Variants in GRIP1 observed in about 807,000 individuals in gnomAD.
The protein encoded by GRIP1 is glutamate receptor interacting protein 1.
In GRIP1, 45 loss-of-function variants were observed where a neutral mutation model predicts 129.9. The ratio of observed to expected loss-of-function variants is 0.35; its 90% CI spans 0.27 to 0.44. The LOEUF is 0.44. Among genes scored for constraint, GRIP1 ranks in the 20% least tolerant of loss-of-function variants. The pLI, the probability that GRIP1 is intolerant of heterozygous loss-of-function variation, is 1.00. For missense variants in GRIP1, 1,196 were observed against 1,396.8 expected, an observed-to-expected ratio of 0.86 and a Z score of 2.29; for synonymous variants, 530 against 520.8, an observed-to-expected ratio of 1.02 and a Z score of -0.24.
At chr12:67,062,273 C>T (rs1169105226) in intron 1 of GRIP1, among the ~76,000 whole-genome samples, 1 of 152,200 alleles carries the variant, frequency 6.6e-6, no homozygotes, top group African/African-American at 2.4e-5. Flanking sequence ...CATCCAGCTC[C>T]ATTCCTCATC....
chr12:66,889,202 G>A (rs920141124), intron 1 of GRIP1, among the ~76,000 whole-genome samples: 2 of 152,226 alleles, frequency 1.3e-5, no homozygotes, highest in African/African-American at 4.8e-5. Context: ...GCTCACGCCT[G>A]TAATCCCAGC....
intron 1 of GRIP1, among the ~76,000 whole-genome samples, chr12:66,705,027 C>T (rs925647103): frequency 6.6e-6 from 1 of 152,044 alleles, no homozygotes; most frequent in East Asian, 1.9e-4. Flanking sequence ...TGCTCTATTA[C>T]AATATACCCA....
intron 19 of GRIP1, among the ~76,000 whole-genome samples, chr12:66,385,180 A>T (rs1040783512): frequency 3.3e-5 from 5 of 152,252 alleles, no homozygotes; most frequent in Non-Finnish European, 5.9e-5. Flanking sequence ...ATTTTAAATT[A>T]AAAATTGATA....
intron 1 of GRIP1, among the ~76,000 whole-genome samples, chr12:66,608,279 A>T (rs2064628853): frequency 6.6e-6 from 1 of 152,118 alleles, no homozygotes; most frequent in African/African-American, 2.4e-5. Flanking sequence ...TTTTACAGTG[A>T]GATAGTGATT....
chr12:66,632,360 A>G (rs1199618517), intron 1 of GRIP1, among the ~76,000 whole-genome samples: 2 of 152,206 alleles, frequency 1.3e-5, no homozygotes, highest in Non-Finnish European at 2.9e-5. Flanking sequence ...GAGCCCTTGG[A>G]GCTCTCAGCA....
chr12:66,615,461 G>C (rs964876794), intron 1 of GRIP1, among the ~76,000 whole-genome samples: 11 of 151,988 alleles, frequency 7.2e-5, no homozygotes, highest in African/African-American at 2.7e-4. Context: ...GCTCCTTATC[G>C]TATATTATAC....
chr12:66,565,068 T>C (rs918247860), intron 2 of GRIP1, among the ~76,000 whole-genome samples: 2 of 152,246 alleles, frequency 1.3e-5, no homozygotes, highest in African/African-American at 2.4e-5. Context: ...CCCCATTCTG[T>C]AGGTTGCTGG....
At chr12:66,798,291 C>T (rs990700874) in intron 1 of GRIP1, among the ~76,000 whole-genome samples, 3 of 152,086 alleles carry the variant, frequency 2.0e-5, no homozygotes, top group Non-Finnish European at 2.9e-5. Context: ...TTACTCACCT[C>T]CACATGCCAT....
intron 1 of GRIP1, among the ~76,000 whole-genome samples, chr12:66,719,235 A>G (rs868098075): frequency 6.6e-6 from 1 of 152,150 alleles, no homozygotes; most frequent in African/African-American, 2.4e-5. Flanking sequence ...GTACTATTCT[A>G]TTTTGCTCTA....
At chr12:66,654,451 A>C (rs1040222990) in intron 1 of GRIP1, among the ~76,000 whole-genome samples, 2 of 152,210 alleles carry the variant, frequency 1.3e-5, no homozygotes, top group Non-Finnish European at 2.9e-5. Context: ...CCATACGCAA[A>C]ATCATGGAAG....
intron 1 of GRIP1, among the ~76,000 whole-genome samples, chr12:66,694,074 C>T (rs2035070624): frequency 2.0e-5 from 3 of 152,294 alleles, no homozygotes; most frequent in Admixed American, 1.3e-4. Flanking sequence ...GCATCTCTTC[C>T]TCAAGACATT....
intron 1 of GRIP1, among the ~76,000 whole-genome samples, chr12:66,854,238 G>GC (rs2039964646): frequency 6.6e-6 from 1 of 151,954 alleles, no homozygotes. Flanking sequence ...GACAGGGAAG[G>GC]CCTCCCAGAG....
At chr12:67,034,714 C>T (rs1212382732) in intron 1 of GRIP1, among the ~76,000 whole-genome samples, 1 of 152,170 alleles carries the variant, frequency 6.6e-6, no homozygotes, top group Non-Finnish European at 1.5e-5. Context: ...TTTACACCAG[C>T]ATCACAACAA....
chr12:66,508,823 G>A (rs536478178), intron 7 of GRIP1, among the ~76,000 whole-genome samples: 16 of 152,294 alleles, frequency 1.1e-4, no homozygotes, highest in African/African-American at 3.1e-4. Context: ...ACTGACTGCC[G>A]TCTGTGGTTC....
chr12:66,662,628 T>C (rs1199904702), intron 1 of GRIP1, among the ~76,000 whole-genome samples: 1 of 152,160 alleles, frequency 6.6e-6, no homozygotes, highest in Non-Finnish European at 1.5e-5. Context: ...TCCTAGGATT[T>C]GGTAAGAACT....
intron 13 of GRIP1, among the ~76,000 whole-genome samples, chr12:66,442,333 T>C (rs2058492807): frequency 6.6e-6 from 1 of 152,022 alleles, no homozygotes; most frequent in African/African-American, 2.4e-5. Flanking sequence ...GGTCTTTACA[T>C]TGCCTACTCC....
chr12:66,743,056 G>A (rs747204254), intron 1 of GRIP1, among the ~76,000 whole-genome samples: 16 of 151,950 alleles, frequency 1.1e-4, no homozygotes, highest in South Asian at 4.2e-4. Context: ...ACAAGCAGCC[G>A]TCCAAAACCC....
chr12:66,353,231 T>C (rs940488893), intron 24 of GRIP1, among the ~76,000 whole-genome samples, 186 bp downstream of exon 24: 1 of 152,000 alleles, frequency 6.6e-6, no homozygotes, highest in African/African-American at 2.4e-5. Flanking sequence ...AACTTTGGGG[T>C]CTGGGTTAGA....
At chr12:66,663,763 A>C (rs1798374866) in intron 1 of GRIP1, among the ~76,000 whole-genome samples, 1 of 152,226 alleles carries the variant, frequency 6.6e-6, no homozygotes, top group Non-Finnish European at 1.5e-5. Context: ...CTTTGTAAAC[A>C]ATACCAGAGA....
Sources: allele counts gnomAD v4.1 joint callset (sites outside exome capture counted in the v4.1 genomes callset), GRCh38; gene constraint gnomAD v4.1.1; transcripts MANE v1.5; gene names NCBI Gene and HGNC (gene_info 2026-07-23, HGNC 2026-07-21).